The following MYO9A variants were observed in gnomAD, a reference collection of about 807,000 sequenced individuals.
The protein encoded by MYO9A is unconventional myosin-IXa.
A neutral mutation model predicts 293.3 loss-of-function variants in MYO9A; 103 were observed. That is an observed-to-expected ratio of 0.35 (90% CI 0.30 to 0.41). The LOEUF (loss-of-function observed/expected upper bound fraction) is 0.41. Among genes scored for constraint, MYO9A ranks in the 10% least tolerant of loss-of-function variants. The pLI, the probability that MYO9A is intolerant of heterozygous loss-of-function variation, is 1.00. For synonymous variants in MYO9A, 1,001 were observed against 1,035.7 expected, an observed-to-expected ratio of 0.97 and a Z score of 0.64; for missense variants, 2,685 against 3,033.0, an observed-to-expected ratio of 0.89 and a Z score of 2.69.
chr15:71,863,764 T>G (rs2056229653), intron 32 of MYO9A, among the ~76,000 whole-genome samples: 1 of 152,164 alleles, frequency 6.6e-6, no homozygotes, highest in African/African-American at 2.4e-5. Context: ...TATCGACCAC[T>G]CAAATAACGT....
chr15:72,070,054 G>A (rs1342624001), intron 1 of MYO9A, among the ~76,000 whole-genome samples: 2 of 151,314 alleles, frequency 1.3e-5, no homozygotes, highest in East Asian at 3.9e-4. Flanking sequence ...ACTTGAACCC[G>A]GGAGGCAGAG....
intron 1 of MYO9A, among the ~76,000 whole-genome samples, chr15:72,061,934 G>T (rs28805409): frequency 0.011 from 1,734 of 152,376 alleles, 24 homozygotes; most frequent in African/African-American, 0.02. Flanking sequence ...CAGTCCAAGA[G>T]GTGGTGGTCA....
At chr15:71,827,749 G>A in intron 41 of MYO9A, 135 bp downstream of exon 41, 1 of 1,018,592 alleles carries the variant, frequency 9.8e-7, no homozygotes, top group Non-Finnish European at 1.4e-6. Context: ...TGGATAAAAG[G>A]ACAAAATTCC....
intron 13 of MYO9A, among the ~76,000 whole-genome samples, chr15:71,964,243 T>C (rs1190286817): frequency 2.0e-5 from 3 of 152,238 alleles, no homozygotes; most frequent in African/African-American, 7.2e-5. Context: ...GATTTCTTTG[T>C]TCAATGTCTG....
At chr15:72,040,719 T>C (rs560491597) in intron 2 of MYO9A, among the ~76,000 whole-genome samples, 15 of 152,248 alleles carry the variant, frequency 9.9e-5, no homozygotes, top group African/African-American at 3.6e-4. Context: ...CAACAATATT[T>C]TATACATTTC....
rs750930471 is a variant in MYO9A, at chr15:71,982,005, A to ATTT, written c.1723-3716_1723-3714dup. 2.4e-3 allele frequency among the ~76,000 whole-genome samples: 138 copies of ATTT among 56,328 alleles called. 9 individuals are homozygous for ATTT. The highest frequency in any genetic ancestry group is 7.9e-3 in the African/African-American group (91 of 11,508). 37.0% of individuals were successfully genotyped at this position (56,328 alleles called of 152,430 possible). A position where few individuals can be genotyped will look rare whatever the true frequency, so the allele number is the denominator to read the frequency against. On this transcript the variant is annotated intron_variant, in intron 11 of 41. Transcript: ENST00000356056. ...TTGTTCAACCTCTAGCCTATTTAGA[A>ATTT]TTTTTTTTTTTTTTTTTTTTTTTTT... is the stretch of plus-strand genomic sequence containing the variant.
At chr15:71,949,593 G>C (rs377388595) in intron 15 of MYO9A, among the ~76,000 whole-genome samples, 1 of 151,646 alleles carries the variant, frequency 6.6e-6, no homozygotes, top group African/African-American at 2.4e-5. Flanking sequence ...CTAAAAAGCA[G>C]CAAACTTGCA....
At chr15:72,103,411 AAGCAGCAGCAGAAGCAGCAGC>A (rs2080447591) in intron 1 of MYO9A, among the ~76,000 whole-genome samples, 3 of 147,120 alleles carry the variant, frequency 2.0e-5, no homozygotes, top group East Asian at 2.0e-4. Flanking sequence ...AGCAAGCAGC[AAGCAGCAGCAGAAGCAGCAGC>A]AGCAGAAGCA....
At chr15:71,908,067 T>C (rs2057720811) in intron 19 of MYO9A, among the ~76,000 whole-genome samples, 2 of 152,244 alleles carry the variant, frequency 1.3e-5, no homozygotes, top group African/African-American at 4.8e-5. Context: ...CTAGGGTTTT[T>C]ATGGTTTTAG....
intron 13 of MYO9A, among the ~76,000 whole-genome samples, chr15:71,965,881 A>AT (rs924564717): frequency 2.9e-3 from 425 of 146,194 alleles, no homozygotes; most frequent in Middle Eastern, 7.3e-3. Context: ...TTGTCCTACA[A>AT]TTTTTTTTTT....
At chr15:72,102,827 T>G (rs551443265) in intron 1 of MYO9A, among the ~76,000 whole-genome samples, 2 of 151,958 alleles carry the variant, frequency 1.3e-5, no homozygotes, top group East Asian at 3.9e-4. Context: ...ATGCTGGAGA[T>G]CTCAGGCAGC....
At chr15:71,847,251 A>G (rs1172754954) in intron 39 of MYO9A, among the ~76,000 whole-genome samples, 1 of 152,186 alleles carries the variant, frequency 6.6e-6, no homozygotes, top group Non-Finnish European at 1.5e-5. Flanking sequence ...AAAGAAAGAG[A>G]TTAAGAGAAA....
At chr15:72,037,179 TC>T (rs1461431857) in intron 2 of MYO9A, among the ~76,000 whole-genome samples, 1 of 144,936 alleles carries the variant, frequency 6.9e-6, no homozygotes, top group Non-Finnish European at 1.5e-5. Context: ...CCACCCACCA[TC>T]ACTATGTGTG....
intron 16 of MYO9A, among the ~76,000 whole-genome samples, chr15:71,937,073 G>A (rs1208098537): frequency 6.6e-6 from 1 of 151,980 alleles, no homozygotes; most frequent in Non-Finnish European, 1.5e-5. Flanking sequence ...AAAAAATGCA[G>A]TAGGAAAATA....
chr15:71,965,485 C>A (rs2075849386), intron 13 of MYO9A, among the ~76,000 whole-genome samples: 1 of 152,148 alleles, frequency 6.6e-6, no homozygotes, highest in Non-Finnish European at 1.5e-5. Flanking sequence ...GTGGCTCATG[C>A]CTGTAATCCT....
chr15:72,028,102 CAGA>C (rs1379929034), intron 3 of MYO9A, among the ~76,000 whole-genome samples: 2 of 150,962 alleles, frequency 1.3e-5, no homozygotes, highest in Non-Finnish European at 3.0e-5. Flanking sequence ...GAGGCTGAGG[CAGA>C]AGAATTGTTT....
intron 25 of MYO9A, among the ~76,000 whole-genome samples, chr15:71,895,253 C>T (rs1282947823): frequency 6.6e-6 from 1 of 152,172 alleles, no homozygotes; most frequent in Non-Finnish European, 1.5e-5. Flanking sequence ...CTTCATTTAT[C>T]CTCCAAAGAG....
chr15:71,828,160 G>T, intron 40 of MYO9A, 134 bp from the exon 41 acceptor site: 2 of 988,882 alleles, frequency 2.0e-6, no homozygotes, highest in Admixed American at 2.8e-5. Flanking sequence ...CATCCAGGTG[G>T]TGATGAGGAC....
intron 39 of MYO9A, among the ~76,000 whole-genome samples, chr15:71,842,099 A>C (rs2055187307): frequency 6.6e-6 from 1 of 150,484 alleles, no homozygotes; most frequent in South Asian, 2.1e-4. Flanking sequence ...TAGACTGGGC[A>C]TGGTGGCTCA....
Sources: gnomAD v4.1 joint callset for allele counts (sites outside exome capture counted in the v4.1 genomes callset) on GRCh38, gnomAD v4.1.1 for gene constraint, MANE v1.5 for transcripts, NCBI Gene and HGNC (gene_info 2026-07-23, HGNC 2026-07-21) for gene names.